Variants in FGF14 observed in about 807,000 individuals in gnomAD.
FGF14 encodes the protein fibroblast growth factor homologous factor 4.
A neutral mutation model predicts 25.5 loss-of-function variants in FGF14; 5 were observed. The observed-to-expected ratio is 0.20, with a 90% CI of 0.10 to 0.41. The LOEUF (loss-of-function observed/expected upper bound fraction) is 0.41. Ranked by LOEUF, FGF14 falls within the 10% of genes least tolerant of loss-of-function variation. The pLI, the probability that FGF14 is intolerant of heterozygous loss-of-function variation, is 1.00. For missense variants in FGF14, 222 were observed against 320.1 expected, an observed-to-expected ratio of 0.69 and a Z score of 2.34; for synonymous variants, 138 against 118.3, an observed-to-expected ratio of 1.17 and a Z score of -1.08.
chr13:101,982,228 A>C (rs991787204), intron 1 of FGF14, among the ~76,000 whole-genome samples: 2 of 152,222 alleles, frequency 1.3e-5, no homozygotes, highest in Non-Finnish European at 2.9e-5. Flanking sequence ...GTTACAGAAC[A>C]TACTAAATAT....
At chr13:102,018,520 C>G (rs2040463596) in intron 1 of FGF14, among the ~76,000 whole-genome samples, 1 of 152,034 alleles carries the variant, frequency 6.6e-6, no homozygotes, top group Admixed American at 6.6e-5. Context: ...AAAGTATGAC[C>G]CTGAAAGGTT....
chr13:101,740,713 T>A (rs1273978798), intron 3 of FGF14, among the ~76,000 whole-genome samples: 1 of 152,194 alleles, frequency 6.6e-6, no homozygotes, highest in African/African-American at 2.4e-5. Flanking sequence ...GTGCTTTCTG[T>A]CCTTTTACAG....
chr13:101,903,395 T>C (rs2031820221), intron 1 of FGF14, among the ~76,000 whole-genome samples: 1 of 152,178 alleles, frequency 6.6e-6, no homozygotes, highest in African/African-American at 2.4e-5. Context: ...CAAGCTGTAA[T>C]TTTTAAAAAT....
intron 3 of FGF14, among the ~76,000 whole-genome samples, chr13:101,836,161 C>T (rs1054940948): frequency 1.3e-5 from 2 of 151,938 alleles, no homozygotes; most frequent in African/African-American, 4.8e-5. Context: ...AAAGACTGAG[C>T]AATTTGAAGT....
chr13:102,099,187 A>G (rs9518631), intron 1 of FGF14, among the ~76,000 whole-genome samples: 36,212 of 152,128 alleles, frequency 0.24, 4,438 homozygotes, highest in Middle Eastern at 0.33. Flanking sequence ...CCTAAAAGTC[A>G]TAGTTTTTCA....
chr13:101,918,941 C>A (rs545197763), upstream of FGF14, among the ~76,000 whole-genome samples: 1 of 152,272 alleles, frequency 6.6e-6, no homozygotes, highest in South Asian at 2.1e-4. Context: ...AACTTGCAAT[C>A]CCTAGTCACT....
At position 102,326,719 on chromosome 13, in the gene FGF14, G is replaced by A. The variant is rs1346174308; in HGVS notation, c.208+74752C>T. Among the ~76,000 whole-genome samples, 7 of 97,030 alleles carry A rather than the reference G, an allele frequency of 7.2e-5. No individual in the cohort carries two copies. In the South Asian group the frequency reaches 2.0e-3, roughly 27 times the overall value. 63.7% of individuals were successfully genotyped at this position (97,030 alleles called of 152,430 possible). A position where few individuals can be genotyped will look rare whatever the true frequency, so the allele number is the denominator to read the frequency against. On this transcript the variant is annotated intron_variant, in intron 1 of 4. Transcript: ENST00000376131. ...GGAAGGAAGGAAGGAAGGAAGGAAG[G>A]AAGGAAGGAAGGAAGGAAGGAAGGA... is the stretch of plus-strand genomic sequence containing the variant.
chr13:102,161,664 GAAGAAGAAGAAGAAGAAGAAGAA>G lies in FGF14; in HGVS notation c.208+239784_208+239806del, dbSNP rs2047746593. Among the ~76,000 whole-genome samples the G allele has an allele frequency of 6.2e-5, 2 of 32,438 alleles. 1 individual carries two copies. Among genetic ancestry groups the G allele is most frequent in the Admixed American group, 7.8e-4 (2 of 2,556 alleles). 21.3% of individuals were successfully genotyped at this position (32,438 alleles called of 152,430 possible). On this transcript the variant is annotated intron_variant, in intron 1 of 4. Transcript: ENST00000376131. ...AGAAGAAGAAGAAGAAGAAGAAGAA[GAAGAAGAAGAAGAAGAAGAAGAA>G]GAAGAAGAAGAAGAAGAAGAAGAAG...
intron 1 of FGF14, among the ~76,000 whole-genome samples, chr13:102,153,774 T>C (rs964145506): frequency 8.5e-5 from 13 of 152,176 alleles, no homozygotes; most frequent in African/African-American, 2.7e-4. Flanking sequence ...TTCTATTCTC[T>C]CTAGTTGGAA....
chr13:101,841,135 T>A (rs1479371444), intron 3 of FGF14, among the ~76,000 whole-genome samples: 1 of 151,988 alleles, frequency 6.6e-6, no homozygotes, highest in African/African-American at 2.4e-5. Flanking sequence ...ATGGTAGTAG[T>A]TCTCCTTTGA....
rs547889299 is a variant in FGF14 at position 101,743,084 on chromosome 13, G to A, written c.409-16274C>T. Among the ~76,000 whole-genome samples, 44 of 152,274 alleles carry A rather than the reference G, an allele frequency of 2.9e-4. 1 individual carries two copies. Among genetic ancestry groups the A allele is most frequent in the South Asian group, 1.5e-3 (7 of 4,818 alleles). ...GCCTTTCCAGGCTGAACCAATGTGC[G>A]TCATACATACATTGATTGATGTCTC... On this transcript the variant is annotated intron_variant, in intron 3 of 4. Coordinates refer to ENST00000376143, the MANE Select transcript of FGF14 (RefSeq NM_004115.4).
intron 3 of FGF14, among the ~76,000 whole-genome samples, chr13:101,849,070 T>A (rs9518581): frequency 4.3e-4 from 65 of 152,092 alleles, no homozygotes; most frequent in Admixed American, 7.2e-4. Context: ...CAGCCTGTAT[T>A]TTAAACTAGG....
intron 1 of FGF14, chr13:102,263,345 G>T: frequency 3.9e-6 from 1 of 257,350 alleles, no homozygotes. Context: ...GGAGTAGTGA[G>T]CAGTGAAAAA....
intron 1 of FGF14, among the ~76,000 whole-genome samples, chr13:102,118,724 G>A (rs1334068865): frequency 6.6e-6 from 1 of 151,962 alleles, no homozygotes; most frequent in East Asian, 1.9e-4. Flanking sequence ...AAAATATCAT[G>A]TGCATATTAA....
intron 3 of FGF14, among the ~76,000 whole-genome samples, chr13:101,781,143 TC>T (rs2039467911): frequency 1.9e-5 from 1 of 53,820 alleles, no homozygotes; most frequent in Non-Finnish European, 3.9e-5. Flanking sequence ...TTTGTCTCTC[TC>T]TCTCTCTCAC....
chr13:102,177,286 C>A (rs1050084463), intron 1 of FGF14, among the ~76,000 whole-genome samples: 1 of 152,172 alleles, frequency 6.6e-6, no homozygotes, highest in Non-Finnish European at 1.5e-5. Context: ...GAGTTTGAGT[C>A]TGGGTAAGCC....
chr13:101,719,523 C>CTAAT lies in FGF14; in HGVS notation c.*3304_*3307dup, dbSNP rs1386596976. 2 of 152,166 alleles carry CTAAT rather than the reference C, an allele frequency of 1.3e-5. No homozygotes were observed. The highest frequency in any genetic ancestry group is 2.1e-4 in the South Asian group (1 of 4,814). The allele number at this position is 152,166 out of a possible 1,614,324, so 9.4% of individuals were successfully genotyped here. ...AGGGTGGAGAATTGTCATGTCTTCT[C>CTAAT]TAATTTTTCCAAGTAAAGTGGTAGC... On this transcript the variant is annotated 3_prime_UTR_variant, in exon 5 of 5. Coordinates refer to ENST00000376143, the MANE Select transcript of FGF14 (RefSeq NM_004115.4).
intron 1 of FGF14, among the ~76,000 whole-genome samples, chr13:102,313,376 T>A (rs2055868053): frequency 6.6e-6 from 1 of 152,230 alleles, no homozygotes; most frequent in South Asian, 2.1e-4. Flanking sequence ...CGAGGTAACA[T>A]TTAAAGTCAA....
chr13:102,112,836 T>C (rs879778446), intron 1 of FGF14, among the ~76,000 whole-genome samples: 3 of 152,204 alleles, frequency 2.0e-5, no homozygotes, highest in Non-Finnish European at 2.9e-5. Flanking sequence ...GATGAGAATA[T>C]AGTTTCATCA....
Sources: gnomAD v4.1 joint callset for allele counts (sites outside exome capture counted in the v4.1 genomes callset) on GRCh38, gnomAD v4.1.1 for gene constraint, MANE v1.5 for transcripts, NCBI Gene and HGNC (gene_info 2026-07-23, HGNC 2026-07-21) for gene names.